The following BARX2 variants were observed in gnomAD, a reference collection of about 807,000 sequenced individuals.
The protein encoded by BARX2 is BARX homeobox 2, also known as homeobox protein BarH-like 2.
Under a neutral mutation model 25.5 loss-of-function variants are expected in BARX2, and 11 were observed. That is an observed-to-expected ratio of 0.43 (90% CI 0.27 to 0.71). The LOEUF (loss-of-function observed/expected upper bound fraction) is 0.71. Among genes scored for constraint, BARX2 ranks in the 30% least tolerant of loss-of-function variants. BARX2 has a pLI of 0.19. For synonymous variants in BARX2, 137 were observed against 149.5 expected, an observed-to-expected ratio of 0.92 and a Z score of 0.61; for missense variants, 360 against 359.9, an observed-to-expected ratio of 1.00 and a Z score of 0.00.
intron 2 of BARX2, among the ~76,000 whole-genome samples, chr11:129,438,483 G>A (rs1462260335): frequency 6.6e-6 from 1 of 152,114 alleles, no homozygotes; most frequent in Non-Finnish European, 1.5e-5. Flanking sequence ...GACATACCAG[G>A]TTGGACACCA....
At chr11:129,399,179 C>T (rs1861751798) in intron 1 of BARX2, among the ~76,000 whole-genome samples, 1 of 152,086 alleles carries the variant, frequency 6.6e-6, no homozygotes, top group Non-Finnish European at 1.5e-5. Flanking sequence ...TTTAGAACTT[C>T]AGTATTGTAG....
chr11:129,408,812 TTCTC>T (rs1368726955), intron 1 of BARX2, among the ~76,000 whole-genome samples: 4 of 152,244 alleles, frequency 2.6e-5, no homozygotes, highest in African/African-American at 9.6e-5. Flanking sequence ...TTGTTTATTT[TTCTC>T]TCTCTAGACT....
intron 1 of BARX2, among the ~76,000 whole-genome samples, chr11:129,387,774 A>G (rs1039059454): frequency 2.0e-5 from 3 of 152,222 alleles, no homozygotes; most frequent in Non-Finnish European, 4.4e-5. Flanking sequence ...CAGGGGCTAA[A>G]CAGCATATTT....
At chr11:129,402,984 T>C (rs1447170840) in intron 1 of BARX2, among the ~76,000 whole-genome samples, 1 of 152,222 alleles carries the variant, frequency 6.6e-6, no homozygotes, top group Non-Finnish European at 1.5e-5. Flanking sequence ...ATGAGGAGAA[T>C]GGTATTTGCA....
chr11:129,437,205 A>G (rs1862202140), intron 2 of BARX2, 154 bp downstream of exon 2: 4 of 901,948 alleles, frequency 4.4e-6, no homozygotes, highest in South Asian at 6.7e-5. Context: ...AACCTTGGTT[A>G]ACAGAACCCA....
intron 1 of BARX2, among the ~76,000 whole-genome samples, chr11:129,397,853 G>A (rs1861737919): frequency 1.3e-5 from 2 of 152,382 alleles, no homozygotes; most frequent in Admixed American, 1.3e-4. Context: ...AGATGAAAAG[G>A]AAGGCCGAGA....
chr11:129,447,037 C>A (rs533117150), intron 3 of BARX2, among the ~76,000 whole-genome samples: 1 of 152,266 alleles, frequency 6.6e-6, no homozygotes, highest in East Asian at 1.9e-4. Context: ...TTTTACATAT[C>A]CCTCGCGCAT....
chr11:129,451,248 A>C lies in BARX2; in HGVS notation c.686A>C (p.Gln229Pro). The change falls in exon 4 of 4, where the codon CAG becomes CCG. Residue 229 changes from glutamine to proline, a missense_variant. By Grantham distance (76) the Gln-to-Pro change is moderately conservative. Transcript: ENST00000281437. The part of the protein sequence containing the change: ...EAEEKMNSQA[Q>P]GQEQLEPSQG... ...GAAGAGAAGATGAACAGCCAGGCCC[A>C]GGGTCAGGAGCAGCTGGAGCCCTCT... 1 of 1,614,208 alleles carries C rather than the reference A, an allele frequency of 6.2e-7. No individual in the cohort carries two copies. The highest frequency in any genetic ancestry group is 1.1e-5 in the South Asian group (1 of 91,084).
rs188510602 is a variant in BARX2, at chr11:129,379,747, C to G, written c.187+3525C>G. Among the ~76,000 whole-genome samples the G allele has an allele frequency of 1.4e-4, 22 of 152,148 alleles. No homozygotes were observed. The East Asian group carries it at 4.3e-3, about 29-fold the overall frequency. On this transcript the variant is annotated intron_variant, in intron 1 of 3. Transcript: ENST00000281437. The stretch of plus-strand genomic sequence containing the variant: ...GTTACAATTACCCTAAGGGTTTTCA[C>G]ATGAAGATACTGATAAATGAACCTA...
intron 1 of BARX2, among the ~76,000 whole-genome samples, chr11:129,384,711 T>C (rs1317007619): frequency 6.6e-5 from 10 of 152,230 alleles, no homozygotes; most frequent in Admixed American, 6.5e-4. Context: ...TTTCTGAGTC[T>C]TACAGTACTT....
chr11:129,416,889 TTA>T (rs925173378), intron 1 of BARX2, among the ~76,000 whole-genome samples: 15 of 149,464 alleles, frequency 1.0e-4, no homozygotes, highest in African/African-American at 3.8e-4. Context: ...TTTTTTTTTT[TTA>T]ATTTTTATTT....
intron 1 of BARX2, among the ~76,000 whole-genome samples, chr11:129,409,119 C>T (rs1400592234): frequency 6.6e-6 from 1 of 152,186 alleles, no homozygotes; most frequent in East Asian, 1.9e-4. Context: ...ATCTCTCTCT[C>T]CCTTTGCTAA....
At chr11:129,450,021 A>C (rs758570811) in intron 3 of BARX2, among the ~76,000 whole-genome samples, 13 of 152,140 alleles carry the variant, frequency 8.5e-5, no homozygotes, top group Admixed American at 3.3e-4. Flanking sequence ...GTCCTTTCAT[A>C]CACATTATCT....
chr11:129,394,098 A>G (rs982031296), intron 1 of BARX2, among the ~76,000 whole-genome samples: 1 of 152,094 alleles, frequency 6.6e-6, no homozygotes, highest in Non-Finnish European at 1.5e-5. Flanking sequence ...TCCCTAAATC[A>G]TATGTTGTTG....
chr11:129,409,738 T>G (rs1284571435), intron 1 of BARX2, among the ~76,000 whole-genome samples: 3 of 152,246 alleles, frequency 2.0e-5, no homozygotes, highest in African/African-American at 7.2e-5. Context: ...ATTTCCATCC[T>G]GTTTCCTGAA....
chr11:129,409,147 A>G (rs1362695715), intron 1 of BARX2, among the ~76,000 whole-genome samples: 1 of 152,192 alleles, frequency 6.6e-6, no homozygotes, highest in African/African-American at 2.4e-5. Flanking sequence ...TTCAAAACTG[A>G]AGTATAATGG....
At chr11:129,380,544 G>GT (rs1282613035) in intron 1 of BARX2, among the ~76,000 whole-genome samples, 3 of 152,158 alleles carry the variant, frequency 2.0e-5, no homozygotes, top group African/African-American at 7.2e-5. Context: ...ATACTGGAAT[G>GT]TTAATGGAGA....
At chr11:129,409,490 T>C (rs1472265658) in intron 1 of BARX2, among the ~76,000 whole-genome samples, 2 of 152,134 alleles carry the variant, frequency 1.3e-5, no homozygotes, top group Non-Finnish European at 2.9e-5. Context: ...TGTTTCTCTT[T>C]TATGAAACAG....
chr11:129,441,939 C>T (rs1481846757), intron 2 of BARX2, among the ~76,000 whole-genome samples: 1 of 152,064 alleles, frequency 6.6e-6, no homozygotes, highest in Non-Finnish European at 1.5e-5. Context: ...CCTGGGATGC[C>T]GTGGTGCTCA....
Sources: allele counts gnomAD v4.1 joint callset (sites outside exome capture counted in the v4.1 genomes callset), GRCh38; gene constraint gnomAD v4.1.1; transcripts MANE v1.5; gene names NCBI Gene and HGNC (gene_info 2026-07-23, HGNC 2026-07-21).